SETD2: variants seen among roughly 807,000 people sequenced by gnomAD.
SETD2 encodes histone-lysine N-methyltransferase SETD2.
Under a neutral mutation model 242.1 loss-of-function variants are expected in SETD2, and 31 were observed. That is an observed-to-expected ratio of 0.13 (90% CI 0.10 to 0.17). The LOEUF (loss-of-function observed/expected upper bound fraction) is 0.17. Ranked by LOEUF, SETD2 falls within the 10% of genes least tolerant of loss-of-function variation. SETD2 has a pLI of 1.00. For synonymous variants in SETD2, 1,006 were observed against 1,066.5 expected, an observed-to-expected ratio of 0.94 and a Z score of 1.11; for missense variants, 2,481 against 3,046.3, an observed-to-expected ratio of 0.81 and a Z score of 4.37.
At chr3:47,018,136 A>C (rs540533743) in intron 19 of SETD2, among the ~76,000 whole-genome samples, 2 of 152,314 alleles carry the variant, frequency 1.3e-5, no homozygotes, top group South Asian at 2.1e-4. Flanking sequence ...AGCTTCTATG[A>C]GGCTTAGCAA....
intron 7 of SETD2, 92 bp downstream of exon 7, chr3:47,103,254 T>TC (rs777648781): frequency 1.3e-6 from 1 of 796,532 alleles, no homozygotes; most frequent in Non-Finnish European, 2.1e-6. Flanking sequence ...GACTAAAAAA[T>TC]TCATGAGTAC....
intron 12 of SETD2, among the ~76,000 whole-genome samples, chr3:47,074,344 G>C (rs561621594): frequency 6.6e-6 from 1 of 152,266 alleles, no homozygotes; most frequent in East Asian, 1.9e-4. Flanking sequence ...ACATTTCACT[G>C]TATGTCTTTC....
At chr3:47,020,045 CCTT>C (rs2038150314) in intron 18 of SETD2, among the ~76,000 whole-genome samples, 1 of 152,084 alleles carries the variant, frequency 6.6e-6, no homozygotes, top group African/African-American at 2.4e-5. Context: ...GTTTGGCTCT[CCTT>C]CTTATAAGTT....
intron 1 of SETD2, among the ~76,000 whole-genome samples, chr3:47,130,954 G>C (rs2043461849): frequency 6.6e-6 from 1 of 152,080 alleles, no homozygotes; most frequent in Non-Finnish European, 1.5e-5. Flanking sequence ...GTCATGGCAA[G>C]CTCAAGGAAC....
chr3:47,141,780 A>C (rs1450152151), intron 1 of SETD2, among the ~76,000 whole-genome samples: 1 of 152,218 alleles, frequency 6.6e-6, no homozygotes, highest in Non-Finnish European at 1.5e-5. Context: ...ACATTAAAAA[A>C]CAATTCAGTA....
chr3:47,074,356 T>C (rs1282156349), intron 12 of SETD2, among the ~76,000 whole-genome samples: 1 of 152,218 alleles, frequency 6.6e-6, no homozygotes, highest in East Asian at 1.9e-4. Flanking sequence ...ATGTCTTTCA[T>C]ATTTTGCCTC....
intron 1 of SETD2, among the ~76,000 whole-genome samples, chr3:47,131,576 C>T (rs1399745020): frequency 6.6e-6 from 1 of 152,054 alleles, no homozygotes; most frequent in Non-Finnish European, 1.5e-5. Flanking sequence ...ATCTCGACCT[C>T]GTGATCCGCC....
chr3:47,102,248 G>T (rs2042243099), intron 7 of SETD2, among the ~76,000 whole-genome samples: 1 of 152,218 alleles, frequency 6.6e-6, no homozygotes. Context: ...ACACTGTACA[G>T]TGAGAGTCTC....
intron 12 of SETD2, among the ~76,000 whole-genome samples, chr3:47,073,554 A>C (rs1166378417): frequency 1.3e-5 from 2 of 152,126 alleles, no homozygotes; most frequent in Non-Finnish European, 2.9e-5. Context: ...AGTGAGAGGG[A>C]GAAGAGGAAA....
In SETD2 at chr3:47,123,985, T is replaced by C. The variant is rs1172384580; in HGVS notation, c.651A>G (p.Thr217=). 1 of 1,551,780 alleles carries C rather than the reference T, an allele frequency of 6.4e-7. No individual in the cohort carries two copies. Among genetic ancestry groups the C allele is most frequent in the East Asian group, 2.4e-5 (1 of 40,926 alleles). Residue 217 remains threonine (T), a synonymous_variant, in exon 3 of 21, where the codon ACA becomes ACG. Transcript: ENST00000409792. ...GTGCTGCCATTAGAACTGTTATTGG[T>C]GTATGTGGCAAGGCCACTGGCTCTG... ...PVTEPVALPH[T]PITVLMAAPV... is the part of the protein sequence containing the mutation.
At chr3:47,151,446 C>G (rs1376908322) in intron 1 of SETD2, among the ~76,000 whole-genome samples, 1 of 152,138 alleles carries the variant, frequency 6.6e-6, no homozygotes, top group Non-Finnish European at 1.5e-5. Context: ...AAAAATTGTG[C>G]AGCACACATA....
chr3:47,089,734 A>C (rs905611351), intron 9 of SETD2, among the ~76,000 whole-genome samples: 14 of 152,206 alleles, frequency 9.2e-5, no homozygotes, highest in African/African-American at 3.1e-4. Context: ...GGAAGCATTA[A>C]CTGCAAATGT....
intron 17 of SETD2, among the ~76,000 whole-genome samples, chr3:47,038,853 G>C (rs1197006607): frequency 1.3e-5 from 2 of 152,196 alleles, no homozygotes; most frequent in Admixed American, 6.5e-5. Context: ...TGAGGACAGT[G>C]ACTTAAAATG....
intron 13 of SETD2, among the ~76,000 whole-genome samples, chr3:47,065,475 T>C (rs1374924806): frequency 2.0e-5 from 3 of 152,004 alleles, no homozygotes; most frequent in Admixed American, 6.6e-5. Flanking sequence ...ATTCCTTGAA[T>C]CTCTAAGTAA....
intron 1 of SETD2, among the ~76,000 whole-genome samples, chr3:47,143,417 T>C (rs188724390): frequency 7.7e-4 from 118 of 152,354 alleles, no homozygotes; most frequent in African/African-American, 2.6e-3. Flanking sequence ...TCCACCTATC[T>C]GTAATCTTTT....
At chr3:47,030,031 C>T (rs2038691170) in intron 18 of SETD2, among the ~76,000 whole-genome samples, 1 of 151,838 alleles carries the variant, frequency 6.6e-6, no homozygotes, top group Non-Finnish European at 1.5e-5. Flanking sequence ...CACCTGTAAT[C>T]CCAGCTACTT....
Position 47,120,303 on chromosome 3 carries a change from C to T in SETD2, c.4333G>A (p.Val1445Ile), listed in dbSNP as rs757898935. Residue 1445 changes from valine to isoleucine, a missense_variant, in exon 3 of 21, where the codon GTT (valine) becomes ATT (isoleucine). Around this residue, in one of 17 missense-constraint regions of SETD2, gnomAD observed 1,300 missense variants for 1,259.2 expected, o/e 1.03. Coordinates refer to ENST00000409792, the MANE Select transcript of SETD2 (RefSeq NM_014159.7). ...TCATCCATGACACAGGAGGGCCCAACCAGTGCTGAACCTGGGGGCACTGAT... is the reference window on the plus strand; with the variant it reads ...TCATCCATGACACAGGAGGGCCCAATCAGTGCTGAACCTGGGGGCACTGAT... ...ETSVPPGSAL[V>I]GPSCVMDDFR... 2 of 1,614,006 alleles carry T rather than the reference C, an allele frequency of 1.2e-6. No individual in the cohort carries two copies. Among genetic ancestry groups the T allele is most frequent in the East Asian group, 2.2e-5 (1 of 44,882 alleles).
intron 12 of SETD2, among the ~76,000 whole-genome samples, chr3:47,079,120 G>T (rs186066749): frequency 6.6e-6 from 1 of 152,298 alleles, no homozygotes; most frequent in East Asian, 1.9e-4. Flanking sequence ...ACTAGAATGT[G>T]TGTAACATGT....
At chr3:47,072,312 A>C (rs1329477976) in intron 12 of SETD2, among the ~76,000 whole-genome samples, 1 of 152,180 alleles carries the variant, frequency 6.6e-6, no homozygotes, top group Non-Finnish European at 1.5e-5. Context: ...TGTCTCAAAA[A>C]AAAGAACAAA....
Sources: gnomAD v4.1 joint callset for allele counts (sites outside exome capture counted in the v4.1 genomes callset) on GRCh38, gnomAD v4.1.1 for gene constraint, gnomAD v4.1.1 regional missense constraint, MANE v1.5 for transcripts, NCBI Gene and HGNC (gene_info 2026-07-23, HGNC 2026-07-21) for gene names.